C1orf21: variants seen among roughly 807,000 people sequenced by gnomAD.
The protein encoded by C1orf21 is uncharacterized protein C1orf21.
C1orf21 carries 3 observed loss-of-function variants against 18.7 expected under a neutral mutation model. That is an observed-to-expected ratio of 0.16 (90% CI 0.07 to 0.42). The LOEUF is 0.42. Ranked by LOEUF, C1orf21 falls within the 10% of genes least tolerant of loss-of-function variation. The probability of loss-of-function intolerance (pLI) is 0.99; values close to 1 mark genes in which losing one functional copy is unlikely to be tolerated. For missense variants in C1orf21, 104 were observed against 143.6 expected (o/e 0.72, Z 1.41); for synonymous variants, 41 against 46.4 (o/e 0.88, Z 0.47).
chr1:184,591,313 A>G (rs1359381216), intron 4 of C1orf21, among the ~76,000 whole-genome samples: 1 of 152,258 alleles, frequency 6.6e-6, no homozygotes, highest in African/African-American at 2.4e-5. Context: ...TAATGAAAAC[A>G]GACCTACAAT....
At position 184,410,649 on chromosome 1, in the gene C1orf21, ATATATATATATATATT is replaced by A. The variant is rs1656329903; in HGVS notation, c.-125+23283_-125+23298del. 5.4e-4 allele frequency among the ~76,000 whole-genome samples: 3 copies of A among 5,592 alleles called. 1 individual carries two copies. In the African/African-American group the frequency reaches 6.4e-3, roughly 12 times the overall value. The allele number at this position is 5,592 out of a possible 152,430, so 3.7% of individuals were successfully genotyped here. A position where few individuals can be genotyped will look rare whatever the true frequency, so the allele number is the denominator to read the frequency against. On this transcript the variant is annotated intron_variant, in intron 1 of 5. Coordinates refer to ENST00000235307, the MANE Select transcript of C1orf21 (RefSeq NM_030806.4). Reference sequence around the variant, plus strand: ...TATATATATATATATATATATATATATATATATATATATATTTTTTTTTTTTTTTTTTGAGATGGAG... The same window carrying A: ...TATATATATATATATATATATATATATTTTTTTTTTTTTTTTGAGATGGAG...
At chr1:184,601,143 T>C (rs536765395) in intron 5 of C1orf21, among the ~76,000 whole-genome samples, 19 of 152,338 alleles carry the variant, frequency 1.2e-4, no homozygotes, top group Non-Finnish European at 2.6e-4. Flanking sequence ...GAGCTTCATG[T>C]TGAGAGATTT....
intron 1 of C1orf21, among the ~76,000 whole-genome samples, chr1:184,438,876 C>G (rs1158196047): frequency 1.3e-5 from 2 of 152,042 alleles, no homozygotes; most frequent in Non-Finnish European, 2.9e-5. Context: ...TCATTGATAA[C>G]CAAAGATATG....
At chr1:184,527,329 T>C (rs1387377867) in intron 3 of C1orf21, among the ~76,000 whole-genome samples, 1 of 152,154 alleles carries the variant, frequency 6.6e-6, no homozygotes, top group African/African-American at 2.4e-5. Flanking sequence ...GGTCTTTGCT[T>C]TTGTGAAATT....
chr1:184,391,237 C>T (rs1212707271), intron 1 of C1orf21, among the ~76,000 whole-genome samples: 1 of 152,072 alleles, frequency 6.6e-6, no homozygotes, highest in East Asian at 1.9e-4. Context: ...TCTCCAGTCA[C>T]CAGGTATTAA....
At chr1:184,427,258 C>G (rs1199053407) in intron 1 of C1orf21, among the ~76,000 whole-genome samples, 2 of 152,142 alleles carry the variant, frequency 1.3e-5, no homozygotes, top group African/African-American at 2.4e-5. Context: ...TCTGCTAAAG[C>G]TACTTTTTAG....
intron 1 of C1orf21, among the ~76,000 whole-genome samples, chr1:184,430,920 A>G (rs940954865): frequency 2.0e-5 from 3 of 152,210 alleles, no homozygotes; most frequent in Non-Finnish European, 4.4e-5. Context: ...ATCCATGAGC[A>G]CGGAATGTTT....
chr1:184,514,033 A>G (rs1658188835), intron 3 of C1orf21, among the ~76,000 whole-genome samples: 1 of 152,246 alleles, frequency 6.6e-6, no homozygotes, highest in Non-Finnish European at 1.5e-5. Context: ...GCGGTGGCTC[A>G]TGCCTATAAT....
At chr1:184,483,261 A>C (rs1424844706) in intron 2 of C1orf21, among the ~76,000 whole-genome samples, 4 of 152,204 alleles carry the variant, frequency 2.6e-5, no homozygotes, top group African/African-American at 4.8e-5. Context: ...AGCTTGCAAA[A>C]AGTAAGTGAC....
chr1:184,574,160 A>C (rs1659153418), intron 3 of C1orf21, among the ~76,000 whole-genome samples: 1 of 152,148 alleles, frequency 6.6e-6, no homozygotes, highest in Non-Finnish European at 1.5e-5. Flanking sequence ...AGCTGAGATC[A>C]CGCCACTGCA....
chr1:184,571,109 C>A (rs935824485), intron 3 of C1orf21, among the ~76,000 whole-genome samples: 1 of 151,746 alleles, frequency 6.6e-6, no homozygotes, highest in East Asian at 1.9e-4. Context: ...CCGGCTAAAA[C>A]GGTGAAACCC....
chr1:184,480,765 G>A (rs1284702927), intron 2 of C1orf21, among the ~76,000 whole-genome samples: 3 of 152,154 alleles, frequency 2.0e-5, no homozygotes, highest in Non-Finnish European at 4.4e-5. Flanking sequence ...AGAAAGCATG[G>A]ACTTTTAAAG....
chr1:184,574,264 A>T (rs1288770097), intron 3 of C1orf21, among the ~76,000 whole-genome samples: 2 of 152,204 alleles, frequency 1.3e-5, no homozygotes, highest in African/African-American at 4.8e-5. Context: ...CGGAAGACTC[A>T]AACATTTTGT....
intron 3 of C1orf21, among the ~76,000 whole-genome samples, chr1:184,556,015 G>A (rs1273633383): frequency 2.0e-5 from 3 of 151,948 alleles, no homozygotes; most frequent in African/African-American, 4.8e-5. Flanking sequence ...ACTCTAGAAC[G>A]ATCTGTAAGA....
chr1:184,596,728 G>C (rs1051781543), intron 4 of C1orf21, among the ~76,000 whole-genome samples: 4 of 152,072 alleles, frequency 2.6e-5, no homozygotes, highest in Admixed American at 2.6e-4. Context: ...AAAATTAGCT[G>C]TACGTGGTGG....
intron 1 of C1orf21, among the ~76,000 whole-genome samples, chr1:184,395,066 A>C (rs779968789): frequency 9.9e-5 from 15 of 152,124 alleles, no homozygotes; most frequent in Non-Finnish European, 1.5e-4. Context: ...TCTCACTTCA[A>C]ATCCCACCTC....
chr1:184,580,339 G>A (rs1441449085), intron 3 of C1orf21, among the ~76,000 whole-genome samples: 1 of 152,194 alleles, frequency 6.6e-6, no homozygotes, highest in East Asian at 1.9e-4. Context: ...TGAAAGCTCT[G>A]CTCTTGTCTG....
At chr1:184,506,828 T>A (rs1658069488) in intron 2 of C1orf21, among the ~76,000 whole-genome samples, 1 of 152,186 alleles carries the variant, frequency 6.6e-6, no homozygotes, top group Non-Finnish European at 1.5e-5. Context: ...ATCTGTGTTC[T>A]CTGTCTGGCT....
In C1orf21 at chr1:184,577,961, T is replaced by TG. The variant is rs1659218733; in HGVS notation, c.190-12778_190-12777insG. On this transcript the variant is annotated intron_variant, in intron 3 of 5. Transcript: ENST00000235307. ...TTTTTTGTTTTGTTTTTGTTTTTTT[T>TG]TTTTTTTTTTGAGACAGAGTCTCAC... Among the ~76,000 whole-genome samples, 4 of 146,088 alleles carry TG rather than the reference T, an allele frequency of 2.7e-5. 1 individual carries two copies. Among genetic ancestry groups the TG allele is most frequent in the African/African-American group, 1.0e-4 (4 of 39,474 alleles).
Sources: gnomAD v4.1 joint callset for allele counts (sites outside exome capture counted in the v4.1 genomes callset) on GRCh38, gnomAD v4.1.1 for gene constraint, MANE v1.5 for transcripts, NCBI Gene and HGNC (gene_info 2026-07-23, HGNC 2026-07-21) for gene names.